GFOD1: variants seen among roughly 807,000 people sequenced by gnomAD.
The protein encoded by GFOD1 is Gfo/Idh/MocA-like oxidoreductase domain containing 1, also known as glucose-fructose oxidoreductase domain-containing protein 1.
GFOD1 carries 9 observed loss-of-function variants against 25.4 expected under a neutral mutation model. The ratio of observed to expected loss-of-function variants is 0.35; its 90% CI spans 0.21 to 0.62. The LOEUF is 0.62. Among genes scored for constraint, GFOD1 ranks in the 20% least tolerant of loss-of-function variants. GFOD1 has a pLI of 0.72. For missense variants in GFOD1, 403 were observed against 556.9 expected, an observed-to-expected ratio of 0.72 and a Z score of 2.78; for synonymous variants, 253 against 245.6, an observed-to-expected ratio of 1.03 and a Z score of -0.28.
intron 1 of GFOD1, among the ~76,000 whole-genome samples, chr6:13,453,524 A>G (rs1005144128): frequency 6.6e-5 from 10 of 152,226 alleles, no homozygotes; most frequent in African/African-American, 2.4e-4. Flanking sequence ...AAGATACATA[A>G]ATCTAAAAAT....
In GFOD1 at chr6:13,484,125, T is replaced by G. The variant is rs570282524; in HGVS notation, c.253+2513A>C. 7.9e-5 allele frequency among the ~76,000 whole-genome samples: 12 copies of G among 152,316 alleles called. No individual in the cohort carries two copies. In the South Asian group the frequency reaches 2.5e-3, roughly 32 times the overall value. On this transcript the variant is annotated intron_variant, in intron 1 of 1. Coordinates refer to ENST00000379287, the MANE Select transcript of GFOD1 (RefSeq NM_018988.4). ...CAATTGATCTGAAGTTTCATTTCAC[T>G]GTGGTCCCTAGACCACACTTTGTAG...
At chr6:13,409,415 G>A (rs928553104) in intron 1 of GFOD1, among the ~76,000 whole-genome samples, 6 of 151,920 alleles carry the variant, frequency 3.9e-5, no homozygotes, top group Non-Finnish European at 7.4e-5. Context: ...AAATAAAAGA[G>A]ACAAATCCTA....
chr6:13,425,623 C>G (rs1447164760), intron 1 of GFOD1, among the ~76,000 whole-genome samples: 1 of 152,188 alleles, frequency 6.6e-6, no homozygotes, highest in African/African-American at 2.4e-5. Flanking sequence ...AGATCTTCAT[C>G]CCATGCAGCT....
chr6:13,461,855 A>G (rs1244849802), intron 1 of GFOD1, among the ~76,000 whole-genome samples: 1 of 152,226 alleles, frequency 6.6e-6, no homozygotes, highest in African/African-American at 2.4e-5. Flanking sequence ...CCCACCTCTC[A>G]GAGTGATGGG....
intron 1 of GFOD1, among the ~76,000 whole-genome samples, chr6:13,368,239 T>C (rs138245607): frequency 2.0e-4 from 31 of 152,368 alleles, no homozygotes; most frequent in African/African-American, 7.0e-4. Context: ...GTGAAAAGCC[T>C]GGAGCCTACA....
rs115222786 is a variant in GFOD1, at chr6:13,378,796, C to T, written c.254-13134G>A. On this transcript the variant is annotated intron_variant, in intron 1 of 1. Transcript: ENST00000379287. ...AACCCCACCTCCTGCAGCCTAGGAA[C>T]GCATGTCCTTGGAGGGATAAAAACA... Among the ~76,000 whole-genome samples the T allele has an allele frequency of 7.3e-3, 1,113 of 152,274 alleles. 12 individuals carry two copies. Among genetic ancestry groups the T allele is most frequent in the East Asian group, 0.023 (121 of 5,182 alleles).
intron 1 of GFOD1, among the ~76,000 whole-genome samples, chr6:13,458,419 T>A (rs1478967205): frequency 6.6e-6 from 1 of 152,118 alleles, no homozygotes; most frequent in Non-Finnish European, 1.5e-5. Context: ...GTCCAGCCTG[T>A]ATTATACAAT....
chr6:13,390,779 GAAAGGAAGGAAGGA>G (rs1226718209), intron 1 of GFOD1, among the ~76,000 whole-genome samples: 1 of 106,898 alleles, frequency 9.4e-6, no homozygotes, highest in East Asian at 2.1e-4. Flanking sequence ...GAGAGAGAGA[GAAAGGAAGGAAGGA>G]AGGAAGGAAG....
chr6:13,360,443 C>G lies in GFOD1; in HGVS notation c.*4300G>C, dbSNP rs1041083434. On this transcript the variant is annotated 3_prime_UTR_variant, in exon 2 of 2. Transcript: ENST00000379287. ...CAGTGCACAGCTAAAATTGGAGTGA[C>G]AAACAAACGAACTTTAAAGCCCCAC... 5.9e-6 allele frequency: 2 copies of G among 340,588 alleles called. No individual in the cohort carries two copies. The highest frequency in any genetic ancestry group is 4.5e-5 in the South Asian group (2 of 44,638). The allele number at this position is 340,588 out of a possible 1,614,324, so 21.1% of individuals were successfully genotyped here.
chr6:13,422,182 C>A (rs2127568469), intron 1 of GFOD1, among the ~76,000 whole-genome samples: 1 of 152,242 alleles, frequency 6.6e-6, no homozygotes, highest in Non-Finnish European at 1.5e-5. Flanking sequence ...CCAATTAAGG[C>A]TGCCATTCAA....
chr6:13,440,894 C>T (rs767220163), intron 1 of GFOD1, among the ~76,000 whole-genome samples: 69 of 152,210 alleles, frequency 4.5e-4, no homozygotes, highest in Non-Finnish European at 8.2e-4. Flanking sequence ...TTCTCCACTG[C>T]TCTTCTCCTA....
intron 1 of GFOD1, among the ~76,000 whole-genome samples, chr6:13,438,207 G>T (rs986347092): frequency 4.6e-5 from 7 of 152,156 alleles, no homozygotes; most frequent in African/African-American, 1.7e-4. Context: ...TAGTATTGAT[G>T]AACCCAGCCC....
chr6:13,458,510 G>T (rs1758231610), intron 1 of GFOD1, among the ~76,000 whole-genome samples: 1 of 151,916 alleles, frequency 6.6e-6, no homozygotes, highest in Non-Finnish European at 1.5e-5. Flanking sequence ...AGGTGATCTC[G>T]CATGGTGGAG....
intron 1 of GFOD1, among the ~76,000 whole-genome samples, chr6:13,392,180 A>ACAAGATGC (rs1235311954): frequency 6.6e-6 from 1 of 151,534 alleles, no homozygotes; most frequent in African/African-American, 2.4e-5. Flanking sequence ...GGGCGACACA[A>ACAAGATGC]CAAGATGCCA....
chr6:13,426,615 C>T (rs1368436567), intron 1 of GFOD1, among the ~76,000 whole-genome samples: 2 of 152,166 alleles, frequency 1.3e-5, no homozygotes, highest in Admixed American at 6.5e-5. Context: ...GTTCTGAAGG[C>T]ACCCGAGGTA....
At chr6:13,479,209 TAAAA>T (rs1389527079) in intron 1 of GFOD1, among the ~76,000 whole-genome samples, 2 of 152,224 alleles carry the variant, frequency 1.3e-5, no homozygotes, top group African/African-American at 4.8e-5. Flanking sequence ...TTAAAAATTT[TAAAA>T]AGAACTAACT....
intron 1 of GFOD1, among the ~76,000 whole-genome samples, chr6:13,402,707 G>A (rs1785870636): frequency 6.6e-6 from 1 of 152,150 alleles, no homozygotes; most frequent in Non-Finnish European, 1.5e-5. Context: ...AGAATAATTG[G>A]AACCCTCAAA....
chr6:13,406,356 C>T (rs1785946861), intron 1 of GFOD1, among the ~76,000 whole-genome samples: 1 of 152,150 alleles, frequency 6.6e-6, no homozygotes, highest in African/African-American at 2.4e-5. Context: ...TCTGTAGCAC[C>T]CCTCCTCCCC....
chr6:13,372,812 G>A (rs9474040), intron 1 of GFOD1, among the ~76,000 whole-genome samples: 12,764 of 152,196 alleles, frequency 0.084, 1,726 homozygotes, highest in African/African-American at 0.29. Flanking sequence ...TCTAATCATG[G>A]TGGAAATCTC....
Sources: gnomAD v4.1 joint callset for allele counts (sites outside exome capture counted in the v4.1 genomes callset) on GRCh38, gnomAD v4.1.1 for gene constraint, MANE v1.5 for transcripts, NCBI Gene and HGNC (gene_info 2026-07-23, HGNC 2026-07-21) for gene names.